Variants in SIM1 observed in about 807,000 individuals in gnomAD.
SIM1 encodes single-minded homolog 1.
Under a neutral mutation model 78.2 loss-of-function variants are expected in SIM1, and 18 were observed. The observed-to-expected ratio is 0.23, with a 90% CI of 0.16 to 0.34. The LOEUF (loss-of-function observed/expected upper bound fraction) is 0.34, where lower values mean the gene tolerates loss of function less well. Among genes scored for constraint, SIM1 ranks in the 10% least tolerant of loss-of-function variants. The pLI is 1.00. For synonymous variants in SIM1, 417 were observed against 385.2 expected, an observed-to-expected ratio of 1.08 and a Z score of -0.97; for missense variants, 939 against 975.1, an observed-to-expected ratio of 0.96 and a Z score of 0.49.
chr6:100,437,058 TAGAG>T (rs1562250171), intron 9 of SIM1, among the ~76,000 whole-genome samples: 1 of 152,054 alleles, frequency 6.6e-6, no homozygotes, highest in African/African-American at 2.4e-5. Context: ...TTTTTAAAAA[TAGAG>T]AGATAGTGTA....
chr6:100,420,039 G>C (rs142090591), intron 10 of SIM1, among the ~76,000 whole-genome samples: 1 of 152,208 alleles, frequency 6.6e-6, no homozygotes, highest in African/African-American at 2.4e-5. Flanking sequence ...AAGGTTGGAG[G>C]TGAGGTGGCC....
chr6:100,434,308 C>T (rs941070531), intron 9 of SIM1, among the ~76,000 whole-genome samples: 1 of 152,192 alleles, frequency 6.6e-6, no homozygotes, highest in Non-Finnish European at 1.5e-5. Flanking sequence ...TACTTCACTA[C>T]GCCAGGACTG....
chr6:100,440,015 T>G (rs1772166237), intron 9 of SIM1, among the ~76,000 whole-genome samples: 1 of 152,150 alleles, frequency 6.6e-6, no homozygotes, highest in African/African-American at 2.4e-5. Flanking sequence ...CACCTAAATT[T>G]ATGGATTTGA....
At position 100,389,929 on chromosome 6, in the gene SIM1, C is replaced by T; in HGVS notation, c.*432G>A. ...GTGTGACAGAGTCAAAGAAAATTAC[C>T]CATTTTTGATGTATTTACATTACAT... On this transcript the variant is annotated 3_prime_UTR_variant, in exon 12 of 12. Transcript: ENST00000369208. The T allele has an allele frequency of 2.5e-6, 1 of 393,100 alleles. No individual in the cohort carries two copies. Among genetic ancestry groups the T allele is most frequent in the Non-Finnish European group, 4.5e-6 (1 of 223,122 alleles). 24.4% of individuals were successfully genotyped at this position (393,100 alleles called of 1,614,324 possible). A position where few individuals can be genotyped will look rare whatever the true frequency, so the allele number is the denominator to read the frequency against.
In SIM1 at chr6:100,387,985, T is replaced by G. The variant is rs1396895543; in HGVS notation, c.*2376A>C. ...ACCTTTCCAAAATACACCATATTCA[T>G]CAAATATTTTTTCTTCCAAACATCT... On this transcript the variant is annotated 3_prime_UTR_variant, in exon 12 of 12. Coordinates refer to ENST00000369208, the MANE Select transcript of SIM1 (RefSeq NM_005068.3). 6.6e-6 allele frequency: 1 copy of G among 152,140 alleles called. No homozygotes were observed. The highest frequency in any genetic ancestry group is 1.5e-5 in the Non-Finnish European group (1 of 68,002). 9.4% of individuals were successfully genotyped at this position (152,140 alleles called of 1,614,324 possible).
intron 9 of SIM1, among the ~76,000 whole-genome samples, chr6:100,433,977 T>G (rs996368454): frequency 6.6e-6 from 1 of 152,114 alleles, no homozygotes; most frequent in Non-Finnish European, 1.5e-5. Flanking sequence ...GTTACCTTAA[T>G]TACAACAACA....
In SIM1 at chr6:100,412,657, G is replaced by GAA. The variant is rs71028020; in HGVS notation, c.1167+8132_1167+8133insTT. Reference sequence around the variant, plus strand: ...GAAAGAAAAGAAAGAAAGAAAGAAAGAGAGAGAGAGAGAGAGAAAGAAAGA... The same window carrying GAA: ...GAAAGAAAAGAAAGAAAGAAAGAAAGAAAGAGAGAGAGAGAGAGAAAGAAAGA... On this transcript the variant is annotated intron_variant, in intron 10 of 11. Transcript: ENST00000369208. 9.1e-4 allele frequency among the ~76,000 whole-genome samples: 83 copies of GAA among 91,632 alleles called. 9 individuals are homozygous for GAA. Among genetic ancestry groups the GAA allele is most frequent in the Non-Finnish European group, 4.0e-4 (17 of 42,586 alleles). The allele number at this position is 91,632 out of a possible 152,430, so 60.1% of individuals were successfully genotyped here. A position where few individuals can be genotyped will look rare whatever the true frequency, so the allele number is the denominator to read the frequency against.
At chr6:100,432,684 G>A (rs1035536805) in intron 9 of SIM1, among the ~76,000 whole-genome samples, 2 of 152,096 alleles carry the variant, frequency 1.3e-5, no homozygotes, top group Non-Finnish European at 2.9e-5. Context: ...TTAGTCTTCA[G>A]GATGCTTCTT....
chr6:100,416,522 T>C (rs1771406192), intron 10 of SIM1, among the ~76,000 whole-genome samples: 1 of 152,154 alleles, frequency 6.6e-6, no homozygotes, highest in Non-Finnish European at 1.5e-5. Context: ...CTCTTGAAAA[T>C]TTTGATGAGA....
intron 2 of SIM1, among the ~76,000 whole-genome samples, chr6:100,461,825 T>C (rs1016828448): frequency 2.3e-5 from 3 of 128,334 alleles, no homozygotes; most frequent in African/African-American, 6.3e-5. Context: ...TTTCTTCTTT[T>C]TTTCTTTCTT....
intron 10 of SIM1, among the ~76,000 whole-genome samples, chr6:100,410,185 G>A (rs537332746): frequency 8.5e-5 from 13 of 152,182 alleles, no homozygotes; most frequent in African/African-American, 3.1e-4. Context: ...GCCAAATGAG[G>A]CATTGCTCTC....
chr6:100,458,612 T>C (rs1343226432), intron 2 of SIM1, among the ~76,000 whole-genome samples: 2 of 152,218 alleles, frequency 1.3e-5, no homozygotes, highest in Non-Finnish European at 2.9e-5. Flanking sequence ...GACTCTGTGC[T>C]GAGGCCACGA....
At chr6:100,391,520 A>G (rs1399489040) in intron 11 of SIM1, among the ~76,000 whole-genome samples, 1 of 152,170 alleles carries the variant, frequency 6.6e-6, no homozygotes, top group East Asian at 1.9e-4. Flanking sequence ...AATGTTTTTG[A>G]TTGGATTTGA....
intron 10 of SIM1, among the ~76,000 whole-genome samples, chr6:100,410,465 G>C (rs1171500634): frequency 6.6e-6 from 1 of 152,188 alleles, no homozygotes; most frequent in African/African-American, 2.4e-5. Context: ...CTATGGAATT[G>C]TGACATGCTG....
chr6:100,427,070 T>C (rs1161517505), intron 9 of SIM1: 1 of 152,248 alleles, frequency 6.6e-6, no homozygotes, highest in African/African-American at 2.4e-5. Context: ...AATTGGATTC[T>C]AGAGTCACTG....
intron 2 of SIM1, among the ~76,000 whole-genome samples, chr6:100,456,157 C>T (rs530315269): frequency 2.4e-4 from 36 of 152,114 alleles, no homozygotes; most frequent in African/African-American, 8.2e-4. Context: ...TTATAAGGGA[C>T]TGGCTACTCT....
chr6:100,396,825 G>A (rs1477717372), intron 10 of SIM1, among the ~76,000 whole-genome samples: 1 of 152,198 alleles, frequency 6.6e-6, no homozygotes, highest in Admixed American at 6.5e-5. Flanking sequence ...TGAGGAAAGA[G>A]AGAAGGCAGA....
At chr6:100,450,595 T>G (rs1772482613) in intron 3 of SIM1, among the ~76,000 whole-genome samples, 1 of 151,840 alleles carries the variant, frequency 6.6e-6, no homozygotes, top group Non-Finnish European at 1.5e-5. Context: ...TGGACAAGGC[T>G]AGTGCCCTGT....
At chr6:100,461,269 G>C (rs1206847997) in intron 2 of SIM1, among the ~76,000 whole-genome samples, 1 of 152,184 alleles carries the variant, frequency 6.6e-6, no homozygotes, top group Admixed American at 6.5e-5. Context: ...TGTAGAGTTA[G>C]CACTTAATTA....
Sources: gnomAD v4.1 joint callset for allele counts (sites outside exome capture counted in the v4.1 genomes callset) on GRCh38, gnomAD v4.1.1 for gene constraint, MANE v1.5 for transcripts, NCBI Gene and HGNC (gene_info 2026-07-23, HGNC 2026-07-21) for gene names.